The following LAMB4 variants were observed in gnomAD, a reference collection of about 807,000 sequenced individuals.
The protein encoded by LAMB4 is laminin subunit beta-4.
A neutral mutation model predicts 199.2 loss-of-function variants in LAMB4; 196 were observed. That is an observed-to-expected ratio of 0.98 (90% CI 0.88 to 1.11). The LOEUF (loss-of-function observed/expected upper bound fraction) is 1.11, where lower values mean the gene tolerates loss of function less well. LAMB4 is among the 50% of genes least tolerant of loss of function. The probability of loss-of-function intolerance (pLI) is 0.00; values close to 1 mark genes in which losing one functional copy is unlikely to be tolerated. For missense variants in LAMB4, 2,080 were observed against 2,171.2 expected, an observed-to-expected ratio of 0.96 and a Z score of 0.83; for synonymous variants, 744 against 770.6, an observed-to-expected ratio of 0.97 and a Z score of 0.57.
rs1289586213 is a variant in LAMB4 at position 108,126,602 on chromosome 7, G to T, written c.-33-3405C>A. Reference sequence around the variant, plus strand: ...AGACGGAGTCTCGCTCTGTCGCCCAGGCCGGACTGCGGACTGCAGTGGCGC... The same window carrying T: ...AGACGGAGTCTCGCTCTGTCGCCCATGCCGGACTGCGGACTGCAGTGGCGC... On this transcript the variant is annotated intron_variant, in intron 1 of 33. Coordinates refer to ENST00000388781, the MANE Select transcript of LAMB4 (RefSeq NM_007356.3). 3.6e-5 allele frequency among the ~76,000 whole-genome samples: 4 copies of T among 110,520 alleles called. No homozygotes were observed. In the Admixed American group the frequency reaches 5.9e-4, roughly 16 times the overall value. The allele number at this position is 110,520 out of a possible 152,430, so 72.5% of individuals were successfully genotyped here. A position where few individuals can be genotyped will look rare whatever the true frequency, so the allele number is the denominator to read the frequency against.
At position 108,048,063 on chromosome 7, in the gene LAMB4, C is replaced by A. The variant is rs772653037; in HGVS notation, c.4171G>T (p.Gly1391Cys). Residue 1391 changes from glycine to cysteine, a missense_variant, in exon 28 of 34, where the codon GGT becomes TGT. Gly to Cys is a radical substitution (Grantham distance 159). Coordinates refer to ENST00000388781, the MANE Select transcript of LAMB4 (RefSeq NM_007356.3). ...CCCTTCCGGCCCGTGCAGAGAGCAC[C>A]GCCACAGGGCAAGGGCACACATGGC... ...NVPCVPLPCG[G>C]ALCTGRKGHR... 1.2e-6 allele frequency: 2 copies of A among 1,614,106 alleles called. No homozygotes were observed. The highest frequency in any genetic ancestry group is 1.7e-6 in the Non-Finnish European group (2 of 1,180,026).
At chr7:108,020,928 A>C (rs1192288649), downstream of LAMB4, among the ~76,000 whole-genome samples, 1 of 152,178 alleles carries the variant, frequency 6.6e-6, no homozygotes, top group African/African-American at 2.4e-5. Flanking sequence ...ATTGATCCTG[A>C]CAAAGATAAA....
At chr7:108,041,014 G>C (rs1309734375) in intron 29 of LAMB4, among the ~76,000 whole-genome samples, 1 of 152,046 alleles carries the variant, frequency 6.6e-6, no homozygotes, top group Non-Finnish European at 1.5e-5. Context: ...TCTGACAAAG[G>C]TCTAATATCC....
Position 108,098,538 on chromosome 7 carries a change from C to T in LAMB4, c.1225G>A (p.Val409Met), listed in dbSNP as rs536832621. ...CCTAAGGCAGGATCAGAGTGGCTCA[C>T]ACAAATGCCACCAGATATGGTCCCA... Reference protein sequence around the residue: ...PDGTISGGICVSHSDPALGSV... With the variant: ...PDGTISGGICMSHSDPALGSV... Residue 409 changes from valine to methionine, a missense_variant, in exon 11 of 34, where the codon GTG becomes ATG. Transcript: ENST00000388781. 5.6e-6 allele frequency: 9 copies of T among 1,613,008 alleles called. No homozygotes were observed. The highest frequency in any genetic ancestry group is 6.8e-6 in the Non-Finnish European group (8 of 1,179,742).
In LAMB4 at chr7:108,123,288, G is replaced by T. The variant is rs1307576663; in HGVS notation, c.-33-91C>A. On this transcript the variant is annotated intron_variant, in intron 1 of 33. Coordinates refer to ENST00000388781, the MANE Select transcript of LAMB4 (RefSeq NM_007356.3). Reference sequence around the variant, plus strand: ...GTAAAAGTGCTTAGGGTTATCGAATGGTTCTTATGCTTTAGACATACGAAA... The same window carrying T: ...GTAAAAGTGCTTAGGGTTATCGAATTGTTCTTATGCTTTAGACATACGAAA... 4.2e-6 allele frequency: 3 copies of T among 722,400 alleles called. No individual in the cohort carries two copies. In the East Asian group the frequency reaches 8.0e-5, roughly 19 times the overall value. 44.7% of individuals were successfully genotyped at this position (722,400 alleles called of 1,614,324 possible). A position where few individuals can be genotyped will look rare whatever the true frequency, so the allele number is the denominator to read the frequency against.
chr7:108,079,363 T>C (rs1404669490), intron 15 of LAMB4, among the ~76,000 whole-genome samples: 1 of 152,222 alleles, frequency 6.6e-6, no homozygotes, highest in Non-Finnish European at 1.5e-5. Flanking sequence ...TTAAATCTGG[T>C]ACCTTAAATC....
intron 17 of LAMB4, among the ~76,000 whole-genome samples, chr7:108,072,364 A>C (rs2036562218): frequency 6.6e-6 from 1 of 152,034 alleles, no homozygotes; most frequent in Admixed American, 6.5e-5. Context: ...CTGATGATTT[A>C]TTTATCCATA....
intron 9 of LAMB4, among the ~76,000 whole-genome samples, chr7:108,103,949 G>C (rs536526940): frequency 6.6e-6 from 1 of 152,196 alleles, no homozygotes; most frequent in African/African-American, 2.4e-5. Context: ...AAAAGAAATT[G>C]AATAACAAAT....
chr7:108,078,081 T>C (rs1370234991), intron 16 of LAMB4, 120 bp downstream of exon 16: 6 of 673,228 alleles, frequency 8.9e-6, no homozygotes, highest in Non-Finnish European at 1.6e-5. Context: ...AAGTGCTTAA[T>C]ATATGTTATA....
At chr7:108,017,654 G>C in the LAMB4 span, among the ~76,000 whole-genome samples, 1 of 152,172 alleles carries the variant, frequency 6.6e-6, no homozygotes, top group African/African-American at 2.4e-5. Context: ...TCCAGAAAAA[G>C]GGCTTTGAGT....
In LAMB4 at chr7:108,043,774, T is replaced by C. The variant is rs1247308640; in HGVS notation, c.4449A>G (p.Lys1483=). 6 of 1,586,468 alleles carry C rather than the reference T, an allele frequency of 3.8e-6. No homozygotes were observed. The highest frequency in any genetic ancestry group is 5.1e-6 in the Non-Finnish European group (6 of 1,166,028). ...TACCTAACAAAAAGTTTTTCACTTT[T>C]TTGATGAAAAGATTGATGTTTTCTT... The part of the protein sequence containing the change: ...SEEENINLFI[K]KVKNFLLEEN... Residue 1483 remains lysine (K), a synonymous_variant, in exon 29 of 34, where the codon AAA becomes AAG. Coordinates refer to ENST00000388781, the MANE Select transcript of LAMB4 (RefSeq NM_007356.3).
chr7:108,112,070 A>C lies in LAMB4; in HGVS notation c.193-124T>G, dbSNP rs2038247898. The C allele has an allele frequency of 3.0e-6, 2 of 670,616 alleles. 1 individual carries two copies. Among genetic ancestry groups the C allele is most frequent in the Middle Eastern group, 7.2e-4 (2 of 2,782 alleles). 41.5% of individuals were successfully genotyped at this position (670,616 alleles called of 1,614,324 possible). ...ACTGGCTAAAAATAAAAGGCAGAGG[A>C]AATAACAAGACATCAAAATGCCTAT... On this transcript the variant is annotated intron_variant, in intron 3 of 33. Coordinates refer to ENST00000388781, the MANE Select transcript of LAMB4 (RefSeq NM_007356.3).
chr7:108,124,171 A>G (rs549031930), intron 1 of LAMB4, among the ~76,000 whole-genome samples: 23 of 152,298 alleles, frequency 1.5e-4, no homozygotes, highest in Admixed American at 1.4e-3. Context: ...ATGTGCCAGC[A>G]TACCCAGCTA....
intron 33 of LAMB4, among the ~76,000 whole-genome samples, chr7:108,024,497 AAGG>A (rs1227852976): frequency 6.6e-6 from 1 of 152,182 alleles, no homozygotes; most frequent in African/African-American, 2.4e-5. Flanking sequence ...TATATTTCCA[AAGG>A]TTTGTTCTTA....
chr7:108,021,904 AATAG>A (rs959299672), downstream of LAMB4, among the ~76,000 whole-genome samples: 1 of 152,208 alleles, frequency 6.6e-6, no homozygotes, highest in African/African-American at 2.4e-5. Context: ...AGTCAAAGGG[AATAG>A]ATATTCTCTC....
chr7:108,034,649 T>A (rs1398225425), intron 30 of LAMB4, among the ~76,000 whole-genome samples: 1 of 152,166 alleles, frequency 6.6e-6, no homozygotes, highest in Non-Finnish European at 1.5e-5. Context: ...ATAAAAACTA[T>A]CCCGTGAATT....
chr7:108,042,530 G>A (rs1213337836), intron 29 of LAMB4, among the ~76,000 whole-genome samples: 1 of 151,854 alleles, frequency 6.6e-6, no homozygotes, highest in Non-Finnish European at 1.5e-5. Context: ...CTAGACCTGG[G>A]TCCAGTCAAT....
At chr7:108,103,266 T>A in intron 9 of LAMB4, 34 bp from the exon 10 acceptor site, 1 of 1,507,396 alleles carries the variant, frequency 6.6e-7, no homozygotes, top group Middle Eastern at 1.9e-4. Flanking sequence ...AGAGGTAGAC[T>A]AAGGCCTCGG....
At chr7:108,064,622 T>G (rs1265945598) in intron 21 of LAMB4, among the ~76,000 whole-genome samples, 1 of 152,176 alleles carries the variant, frequency 6.6e-6, no homozygotes, top group Non-Finnish European at 1.5e-5. Flanking sequence ...CACTTGGAAA[T>G]GTTCACTTAG....
Sources: gnomAD v4.1 joint callset for allele counts (sites outside exome capture counted in the v4.1 genomes callset) on GRCh38, gnomAD v4.1.1 for gene constraint, MANE v1.5 for transcripts, NCBI Gene and HGNC (gene_info 2026-07-23, HGNC 2026-07-21) for gene names.